The following LARGE1 variants were observed in gnomAD, a reference collection of about 807,000 sequenced individuals.
LARGE1 encodes xylosyl- and glucuronyltransferase LARGE1.
LARGE1 carries 43 observed loss-of-function variants against 87.6 expected under a neutral mutation model. The observed-to-expected ratio is 0.49, with a 90% CI of 0.38 to 0.63. The LOEUF (loss-of-function observed/expected upper bound fraction) is 0.63, where lower values mean the gene tolerates loss of function less well. LARGE1 is among the 30% of genes least tolerant of loss of function. The pLI is 0.00. For synonymous variants in LARGE1, 434 were observed against 394.6 expected, an observed-to-expected ratio of 1.10 and a Z score of -1.18; for missense variants, 802 against 1,000.2, an observed-to-expected ratio of 0.80 and a Z score of 2.67.
At chr22:33,829,977 G>A (rs2062918492) in intron 1 of LARGE1, among the ~76,000 whole-genome samples, 1 of 152,132 alleles carries the variant, frequency 6.6e-6, no homozygotes, top group Non-Finnish European at 1.5e-5. Flanking sequence ...ACTTGTCCAA[G>A]GAAAGGATGA....
intron 9 of LARGE1, among the ~76,000 whole-genome samples, chr22:33,346,752 G>A (rs1939814166): frequency 2.0e-5 from 3 of 152,028 alleles, no homozygotes; most frequent in African/African-American, 7.3e-5. Flanking sequence ...CACTAACTTT[G>A]TTTGTAGTTG....
intron 11 of LARGE1, among the ~76,000 whole-genome samples, chr22:33,193,415 G>A (rs1284465297): frequency 2.0e-5 from 3 of 152,166 alleles, no homozygotes; most frequent in East Asian, 3.8e-4. Context: ...AATCACATAT[G>A]AGTAGAGTGA....
intron 7 of LARGE1, among the ~76,000 whole-genome samples, chr22:33,390,740 A>G (rs2065487793): frequency 1.4e-5 from 2 of 146,876 alleles, no homozygotes; most frequent in South Asian, 2.1e-4. Context: ...CCCAGGCTGG[A>G]GTGCAGTGAG....
chr22:33,276,532 A>C (rs1929330313), intron 14 of LARGE1, among the ~76,000 whole-genome samples: 1 of 152,242 alleles, frequency 6.6e-6, no homozygotes, highest in South Asian at 2.1e-4. Flanking sequence ...ATTCTGTAGA[A>C]GATTCATACT....
At chr22:33,644,729 C>A (rs1187462943) in intron 3 of LARGE1, among the ~76,000 whole-genome samples, 2 of 152,102 alleles carry the variant, frequency 1.3e-5, no homozygotes, top group African/African-American at 4.8e-5. Context: ...GATACAAAAC[C>A]AAGGTGAAAA....
downstream of LARGE1, among the ~76,000 whole-genome samples, chr22:33,158,099 A>C (rs978301858): frequency 6.6e-6 from 1 of 152,182 alleles, no homozygotes; most frequent in African/African-American, 2.4e-5. Context: ...TGAGTGTGTA[A>C]AACATGTCAA....
In LARGE1 at chr22:33,214,620, C is replaced by T. The variant is rs182871664; in HGVS notation, c.1731-47788G>A. 4.2e-3 allele frequency among the ~76,000 whole-genome samples: 646 copies of T among 152,184 alleles called. 7 individuals carry two copies. The highest frequency in any genetic ancestry group is 7.1e-3 in the Non-Finnish European group (485 of 68,020). ...ACAAAGCTGTGGCCAGTCGCCAGCA[C>T]ACTCTTCTATCTGCTCTGCCTCCTT... On this transcript the variant is annotated intron_variant, in intron 11 of 11. Coordinates refer to the LARGE1 transcript ENST00000608642.
intron 6 of LARGE1, among the ~76,000 whole-genome samples, chr22:33,481,518 G>A (rs2069327023): frequency 6.6e-6 from 1 of 151,874 alleles, no homozygotes; most frequent in Non-Finnish European, 1.5e-5. Context: ...AAATTTAATG[G>A]TGTTTTGTTA....
At chr22:33,140,288 C>A in the LARGE1 span, among the ~76,000 whole-genome samples, 5 of 152,202 alleles carry the variant, frequency 3.3e-5, no homozygotes, top group Non-Finnish European at 7.4e-5. Context: ...TGGCTCTACC[C>A]ACCCAGAGCA....
intron 6 of LARGE1, among the ~76,000 whole-genome samples, chr22:33,491,560 C>T (rs549340889): frequency 6.6e-6 from 1 of 152,222 alleles, no homozygotes; most frequent in South Asian, 2.1e-4. Context: ...CTTCTCAAAA[C>T]TTCCTTTTAA....
intron 5 of LARGE1, among the ~76,000 whole-genome samples, chr22:33,600,141 C>T (rs985585007): frequency 8.5e-5 from 13 of 152,112 alleles, no homozygotes; most frequent in Admixed American, 4.6e-4. Flanking sequence ...TGGGCCTGAC[C>T]GTGATAAAGA....
intron 2 of LARGE1, among the ~76,000 whole-genome samples, chr22:33,687,124 G>T (rs1214886502): frequency 1.3e-5 from 2 of 150,716 alleles, no homozygotes; most frequent in African/African-American, 4.9e-5. Flanking sequence ...TCTTTGCTTG[G>T]CTTCCTGCTC....
intron 3 of LARGE1, among the ~76,000 whole-genome samples, chr22:33,628,953 G>A (rs931152008): frequency 2.6e-5 from 4 of 152,172 alleles, no homozygotes; most frequent in African/African-American, 9.7e-5. Flanking sequence ...ACAAAGACCT[G>A]TCCTGCCCCA....
chr22:33,460,101 C>T (rs1355926391), intron 6 of LARGE1, among the ~76,000 whole-genome samples: 3 of 152,208 alleles, frequency 2.0e-5, no homozygotes, highest in African/African-American at 7.2e-5. Context: ...TACATACTGT[C>T]CAGCTAACTG....
chr22:33,799,663 C>T lies in LARGE1; in HGVS notation c.-82-38105G>A, dbSNP rs528447752. On this transcript the variant is annotated intron_variant, in intron 1 of 14. Coordinates refer to ENST00000397394, the MANE Select transcript of LARGE1 (RefSeq NM_133642.5). The stretch of plus-strand genomic sequence containing the variant: ...GGTCAGGCTGGTCTCGAACTTCCAA[C>T]CTCGGCAATCTGCCCGCCTCGGCCT... 1.4e-4 allele frequency among the ~76,000 whole-genome samples: 22 copies of T among 152,258 alleles called. No homozygotes were observed. The South Asian group carries it at 3.5e-3, about 24-fold the overall frequency.
Position 33,650,588 on chromosome 22 carries a change from C to T in LARGE1, c.187G>A (p.Glu63Lys), listed in dbSNP as rs778497824. The change falls in exon 3 of 15, where the codon GAG becomes AAG. Residue 63 changes from glutamate (E) to lysine (K), a missense_variant. By Grantham distance (56) the Glu-to-Lys change is moderately conservative (BLOSUM62 1). Coordinates refer to ENST00000397394, the MANE Select transcript of LARGE1 (RefSeq NM_133642.5). ...TCGCGCATGCGCACCTCCAGGCTCT[C>T]GCGCTCCCGCTGGCTGGAGGCCGTG... ...RYTASSQRER[E>K]SLEVRMREVE... is the part of the protein sequence containing the mutation. 6.2e-7 allele frequency: 1 copy of T among 1,605,876 alleles called. No homozygotes were observed. Among genetic ancestry groups the T allele is most frequent in the Non-Finnish European group, 8.5e-7 (1 of 1,179,918 alleles).
chr22:33,081,934 T>C, the LARGE1 span, among the ~76,000 whole-genome samples: 366 of 152,332 alleles, frequency 2.4e-3, 5 homozygotes, highest in Non-Finnish European at 3.6e-3. Flanking sequence ...GGCTAAGCAA[T>C]ATGCTTTAGG....
intron 1 of LARGE1, among the ~76,000 whole-genome samples, chr22:33,890,979 G>T (rs2064989526): frequency 6.6e-6 from 1 of 151,966 alleles, no homozygotes; most frequent in African/African-American, 2.4e-5. Flanking sequence ...CAACTGAGCA[G>T]CTACCTGTCC....
intron 6 of LARGE1, among the ~76,000 whole-genome samples, chr22:33,478,885 C>T (rs192252368): frequency 2.7e-4 from 41 of 152,198 alleles, no homozygotes; most frequent in African/African-American, 9.2e-4. Flanking sequence ...GACAGATTTC[C>T]TAGAACATGG....
Sources: gnomAD v4.1 joint callset for allele counts (sites outside exome capture counted in the v4.1 genomes callset) on GRCh38, gnomAD v4.1.1 for gene constraint, MANE v1.5 for transcripts, NCBI Gene and HGNC (gene_info 2026-07-23, HGNC 2026-07-21) for gene names.